Variants in ZEB2 observed in about 807,000 individuals in gnomAD.
ZEB2 encodes zinc finger E-box-binding homeobox 2.
In ZEB2, 6 loss-of-function variants were observed where a neutral mutation model predicts 99.9. The observed-to-expected ratio is 0.06, with a 90% confidence interval of 0.03 to 0.12. The LOEUF (loss-of-function observed/expected upper bound fraction) is 0.12. Ranked by LOEUF, ZEB2 falls within the 10% of genes least tolerant of loss-of-function variation. The pLI, the probability that ZEB2 is intolerant of heterozygous loss-of-function variation, is 1.00. For synonymous variants in ZEB2, 517 were observed against 542.5 expected, an observed-to-expected ratio of 0.95 and a Z score of 0.65; for missense variants, 969 against 1,502.8, an observed-to-expected ratio of 0.64 and a Z score of 5.87.
intron 6 of ZEB2, 122 bp from the exon 7 acceptor site, chr2:144,401,429 T>A: frequency 1.2e-6 from 1 of 854,542 alleles, no homozygotes; most frequent in African/African-American, 1.7e-5. Flanking sequence ...CATGCTTATT[T>A]ATCTGCTCAG....
chr2:144,433,366 G>A (rs1042082837), intron 2 of ZEB2, among the ~76,000 whole-genome samples: 4 of 152,156 alleles, frequency 2.6e-5, no homozygotes, highest in African/African-American at 9.7e-5. Flanking sequence ...TACAGGTACT[G>A]TACTGTATTA....
intron 2 of ZEB2, chr2:144,513,889 G>T (rs1442316511): frequency 1.1e-5 from 16 of 1,517,476 alleles, no homozygotes; most frequent in Non-Finnish European, 2.6e-6. Context: ...GTGTTACAAA[G>T]TGAGTCAGGC....
At chr2:144,395,178 T>C (rs1046607341) in intron 9 of ZEB2, among the ~76,000 whole-genome samples, 3 of 151,868 alleles carry the variant, frequency 2.0e-5, no homozygotes, top group Non-Finnish European at 4.4e-5. Flanking sequence ...AAAAAATATT[T>C]TGTAGAGTCA....
chr2:144,483,335 T>A (rs1027480378), intron 2 of ZEB2, among the ~76,000 whole-genome samples: 2 of 152,208 alleles, frequency 1.3e-5, no homozygotes, highest in African/African-American at 4.8e-5. Flanking sequence ...TTAAATGTCT[T>A]CTCTGTCTAG....
At chr2:144,506,518 T>C (rs1165131033) in intron 2 of ZEB2, among the ~76,000 whole-genome samples, 1 of 152,216 alleles carries the variant, frequency 6.6e-6, no homozygotes, top group Non-Finnish European at 1.5e-5. Context: ...TCCATTGATG[T>C]GCATGGTGTC....
At chr2:144,470,633 C>A (rs1325926136) in intron 2 of ZEB2, 7 of 152,080 alleles carry the variant, frequency 4.6e-5, no homozygotes, top group Admixed American at 4.6e-4. Flanking sequence ...AGGTTATTAA[C>A]CCTATCACCA....
chr2:144,515,711 A>ATCAC (rs947093351), intron 2 of ZEB2, among the ~76,000 whole-genome samples: 4 of 151,634 alleles, frequency 2.6e-5, no homozygotes, highest in African/African-American at 9.7e-5. Context: ...AAATTCCTCT[A>ATCAC]TCACTCCCCC....
At chr2:144,442,562 A>G (rs1703931333) in intron 2 of ZEB2, among the ~76,000 whole-genome samples, 1 of 152,206 alleles carries the variant, frequency 6.6e-6, no homozygotes, top group South Asian at 2.1e-4. Context: ...AAATTAATCA[A>G]TACCTACAGG....
intron 2 of ZEB2, among the ~76,000 whole-genome samples, chr2:144,464,851 C>A (rs750326245): frequency 2.8e-4 from 42 of 152,168 alleles, no homozygotes; most frequent in Non-Finnish European, 5.4e-4. Flanking sequence ...GTACTTCTAC[C>A]TCAAACATGA....
intron 2 of ZEB2, among the ~76,000 whole-genome samples, chr2:144,479,344 A>T (rs188810999): frequency 6.6e-6 from 1 of 152,218 alleles, no homozygotes; most frequent in Admixed American, 6.5e-5. Flanking sequence ...CTGAGATACC[A>T]GTAAAGCTCA....
rs373166140 is a variant in ZEB2, at chr2:144,482,558, T to C, written c.73+34720A>G. Among the ~76,000 whole-genome samples the C allele has an allele frequency of 1.1e-4, 17 of 152,344 alleles. No individual in the cohort carries two copies. The East Asian group carries it at 3.1e-3, about 28-fold the overall frequency. ...CCCTTAAAACATCCCTTTCAATGTT[T>C]CACATTTACCATCATCCTCTCTCAA... On this transcript the variant is annotated intron_variant, in intron 2 of 9. Coordinates refer to ENST00000627532, the MANE Select transcript of ZEB2 (RefSeq NM_014795.4).
chr2:144,512,364 G>C (rs952835511), intron 2 of ZEB2: 7 of 1,287,044 alleles, frequency 5.4e-6, no homozygotes, highest in Non-Finnish European at 7.1e-6. Flanking sequence ...GAATAAACGC[G>C]GCACTGCTAG....
At chr2:144,516,804 G>C (rs1270966363) in intron 2 of ZEB2, 2 of 151,674 alleles carry the variant, frequency 1.3e-5, no homozygotes, top group Non-Finnish European at 2.9e-5. Flanking sequence ...TCGCTGAGGC[G>C]CAGACCCGGT....
At chr2:144,497,672 G>A (rs1170036012) in intron 2 of ZEB2, 1 of 166,498 alleles carries the variant, frequency 6.0e-6, no homozygotes, top group Non-Finnish European at 1.5e-5. Flanking sequence ...AAGCTCACAT[G>A]GCAAACTTTG....
intron 9 of ZEB2, 71 bp downstream of exon 9, chr2:144,396,341 G>A (rs944677243): frequency 1.8e-5 from 28 of 1,552,706 alleles, no homozygotes; most frequent in Middle Eastern, 2.3e-4. Context: ...TTGCACAAGT[G>A]TGCTCATTAA....
At chr2:144,487,042 C>T (rs911098553) in intron 2 of ZEB2, among the ~76,000 whole-genome samples, 2 of 152,102 alleles carry the variant, frequency 1.3e-5, no homozygotes, top group African/African-American at 4.8e-5. Flanking sequence ...TATAAACTTC[C>T]GTGATCAGTT....
intron 2 of ZEB2, among the ~76,000 whole-genome samples, chr2:144,489,398 A>G (rs1260743301): frequency 6.6e-6 from 1 of 151,992 alleles, no homozygotes. Context: ...TCTTTTCCCT[A>G]AGCAAAAACA....
intron 2 of ZEB2, among the ~76,000 whole-genome samples, chr2:144,502,849 C>G (rs555633943): frequency 6.6e-6 from 1 of 151,762 alleles, no homozygotes; most frequent in Non-Finnish European, 1.5e-5. Context: ...ACATAAACTC[C>G]CTTGATTTTT....
intron 2 of ZEB2, among the ~76,000 whole-genome samples, chr2:144,456,230 G>T (rs1270046752): frequency 6.6e-6 from 1 of 151,990 alleles, no homozygotes; most frequent in Non-Finnish European, 1.5e-5. Flanking sequence ...CAACCATAAA[G>T]TTATTTTAAC....
Sources: gnomAD v4.1 joint callset for allele counts (sites outside exome capture counted in the v4.1 genomes callset) on GRCh38, gnomAD v4.1.1 for gene constraint, MANE v1.5 for transcripts, NCBI Gene and HGNC (gene_info 2026-07-23, HGNC 2026-07-21) for gene names.